CCBE1: variants seen among roughly 807,000 people sequenced by gnomAD.
The protein encoded by CCBE1 is collagen and calcium binding EGF domains 1.
CCBE1 carries 37 observed loss-of-function variants against 50.0 expected under a neutral mutation model. The observed-to-expected ratio is 0.74, with a 90% confidence interval of 0.57 to 0.97. The LOEUF (loss-of-function observed/expected upper bound fraction) is 0.97, where lower values mean the gene tolerates loss of function less well. Ranked by LOEUF, CCBE1 falls within the 50% of genes least tolerant of loss-of-function variation. CCBE1 has a pLI of 0.00. For synonymous variants in CCBE1, 234 were observed against 203.7 expected (o/e 1.15, Z -1.27); for missense variants, 538 against 523.8 (o/e 1.03, Z -0.26).
chr18:59,439,029 G>A lies in CCBE1; in HGVS notation c.951+514C>T, dbSNP rs575323019. On this transcript the variant is annotated intron_variant, in intron 9 of 10. Transcript: ENST00000439986. ...AGGCCGGGTGTGGTGGCTCACGCCT[G>A]TAATCCCAGCACTTGGGGAGGCCGA... Among the ~76,000 whole-genome samples the A allele has an allele frequency of 2.6e-5, 4 of 152,274 alleles. No individual in the cohort carries two copies. The South Asian group carries it at 8.3e-4, about 32-fold the overall frequency.
chr18:59,492,356 C>T (rs760834081), intron 2 of CCBE1, among the ~76,000 whole-genome samples: 54 of 152,044 alleles, frequency 3.6e-4, no homozygotes, highest in Middle Eastern at 3.4e-3. Context: ...CTATGGTAAC[C>T]GAAATCCAAA....
At chr18:59,646,708 G>C (rs2054058928) in intron 2 of CCBE1, among the ~76,000 whole-genome samples, 1 of 152,226 alleles carries the variant, frequency 6.6e-6, no homozygotes, top group Non-Finnish European at 1.5e-5. Flanking sequence ...TCTCAGCAGA[G>C]ACATGACAGG....
At chr18:59,674,138 G>C (rs988011980) in intron 2 of CCBE1, among the ~76,000 whole-genome samples, 1 of 152,042 alleles carries the variant, frequency 6.6e-6, no homozygotes, top group Admixed American at 6.6e-5. Flanking sequence ...TATACCCAAA[G>C]GATTATAAAT....
intron 2 of CCBE1, among the ~76,000 whole-genome samples, chr18:59,600,742 A>G (rs1158719975): frequency 6.6e-6 from 1 of 151,534 alleles, no homozygotes; most frequent in African/African-American, 2.4e-5. Flanking sequence ...GTTACCACCA[A>G]CTCCTCCCTT....
At chr18:59,649,715 C>A (rs374260257) in intron 2 of CCBE1, among the ~76,000 whole-genome samples, 1 of 152,330 alleles carries the variant, frequency 6.6e-6, no homozygotes, top group East Asian at 1.9e-4. Context: ...GTAATAGTAA[C>A]CTATGCCCTT....
At chr18:59,557,995 G>C (rs568433293) in intron 2 of CCBE1, among the ~76,000 whole-genome samples, 1,870 of 152,260 alleles carry the variant, frequency 0.012, 34 homozygotes, top group African/African-American at 0.043. Context: ...GACATAACAT[G>C]GTAAGTGTGG....
intron 7 of CCBE1, among the ~76,000 whole-genome samples, chr18:59,445,206 A>G (rs1378145684): frequency 6.6e-6 from 1 of 152,146 alleles, no homozygotes; most frequent in Admixed American, 6.5e-5. Flanking sequence ...ATTTTGAGTT[A>G]ATTTTTGCAG....
rs886054068 is a variant in CCBE1 at position 59,435,156 on chromosome 18, A to G, written c.*752T>C. The G allele has an allele frequency of 1.3e-5, 2 of 152,230 alleles. No individual in the cohort carries two copies. The highest frequency in any genetic ancestry group is 2.9e-5 in the Non-Finnish European group (2 of 68,054). The allele number at this position is 152,230 out of a possible 1,614,324, so 9.4% of individuals were successfully genotyped here. A position where few individuals can be genotyped will look rare whatever the true frequency, so the allele number is the denominator to read the frequency against. On this transcript the variant is annotated 3_prime_UTR_variant, in exon 11 of 11. Transcript: ENST00000439986. ...GGCATTTCACTTTGTTTTTTTGAAA[A>G]GAGAGTTTAATCTTCTTCCCTAAAT...
At chr18:59,561,243 G>A (rs1030249830) in intron 2 of CCBE1, among the ~76,000 whole-genome samples, 2 of 152,232 alleles carry the variant, frequency 1.3e-5, no homozygotes, top group African/African-American at 4.8e-5. Context: ...GCTTAGTTAT[G>A]TATCAGGCCT....
intron 2 of CCBE1, among the ~76,000 whole-genome samples, chr18:59,599,220 G>C (rs777645603): frequency 2.0e-5 from 3 of 152,088 alleles, no homozygotes; most frequent in Admixed American, 6.6e-5. Flanking sequence ...AGAGATGAAG[G>C]CTGGGTGAAG....
At chr18:59,518,584 G>T (rs974992503) in intron 2 of CCBE1, among the ~76,000 whole-genome samples, 2 of 152,186 alleles carry the variant, frequency 1.3e-5, no homozygotes, top group Non-Finnish European at 2.9e-5. Context: ...TTTCTAATCA[G>T]TGGGCAGATC....
intron 2 of CCBE1, among the ~76,000 whole-genome samples, chr18:59,504,265 T>C (rs1913764604): frequency 6.6e-6 from 1 of 152,238 alleles, no homozygotes; most frequent in African/African-American, 2.4e-5. Flanking sequence ...TTTTTTAAAT[T>C]ACACTCTAGC....
chr18:59,515,093 A>G (rs938414953), intron 2 of CCBE1, among the ~76,000 whole-genome samples: 1 of 152,212 alleles, frequency 6.6e-6, no homozygotes, highest in African/African-American at 2.4e-5. Context: ...AAGGGAACAG[A>G]AGTAAGAAGT....
chr18:59,508,264 G>C (rs1055904055), intron 2 of CCBE1, among the ~76,000 whole-genome samples: 80 of 151,964 alleles, frequency 5.3e-4, no homozygotes, highest in African/African-American at 1.9e-3. Flanking sequence ...AGTCAGACCA[G>C]AGTTAGAATT....
chr18:59,543,284 T>A (rs1292664500), intron 2 of CCBE1, among the ~76,000 whole-genome samples: 1 of 152,226 alleles, frequency 6.6e-6, no homozygotes, highest in African/African-American at 2.4e-5. Context: ...GAATCTAGAA[T>A]TCTGTGCCAG....
intron 2 of CCBE1, among the ~76,000 whole-genome samples, chr18:59,532,413 AT>A (rs1915088155): frequency 1.3e-5 from 2 of 152,174 alleles, no homozygotes; most frequent in South Asian, 4.1e-4. Context: ...TTTGCCTCGC[AT>A]TAAACTGACT....
At chr18:59,461,564 A>G (rs1017255055) in intron 5 of CCBE1, among the ~76,000 whole-genome samples, 5 of 152,060 alleles carry the variant, frequency 3.3e-5, no homozygotes, top group Non-Finnish European at 7.4e-5. Flanking sequence ...TAGGTGATAA[A>G]TTCAGTGGAG....
chr18:59,654,199 C>T (rs2054158788), intron 2 of CCBE1, among the ~76,000 whole-genome samples: 3 of 152,176 alleles, frequency 2.0e-5, no homozygotes, highest in Admixed American at 6.5e-5. Flanking sequence ...GATCATTTCT[C>T]TCTGGCCAGC....
chr18:59,675,741 C>CT (rs143019342), intron 2 of CCBE1, among the ~76,000 whole-genome samples: 211 of 152,296 alleles, frequency 1.4e-3, no homozygotes, highest in African/African-American at 5.0e-3. Context: ...GGAAGACATT[C>CT]TCAAAATACT....
Sources: gnomAD v4.1 joint callset for allele counts (sites outside exome capture counted in the v4.1 genomes callset) on GRCh38, gnomAD v4.1.1 for gene constraint, MANE v1.5 for transcripts, NCBI Gene and HGNC (gene_info 2026-07-23, HGNC 2026-07-21) for gene names.